The following OPRM1 variants were observed in gnomAD, a reference collection of about 807,000 sequenced individuals.
OPRM1 encodes the protein mu-type opioid receptor.
In OPRM1, 27 loss-of-function variants were observed where a neutral mutation model predicts 31.8. The ratio of observed to expected loss-of-function variants is 0.85; its 90% CI spans 0.63 to 1.17. The LOEUF (loss-of-function observed/expected upper bound fraction) is 1.17. OPRM1 is among the 50% of genes most tolerant of loss of function. OPRM1 has a pLI of 0.00. For missense variants in OPRM1, 536 were observed against 511.1 expected, an observed-to-expected ratio of 1.05 and a Z score of -0.47; for synonymous variants, 196 against 189.9, an observed-to-expected ratio of 1.03 and a Z score of -0.26.
At chr6:154,139,926 C>T (rs1324989847) in intron 3 of OPRM1, among the ~76,000 whole-genome samples, 2 of 152,092 alleles carry the variant, frequency 1.3e-5, no homozygotes, top group Non-Finnish European at 2.9e-5. Context: ...TCCCCGGTGA[C>T]GTTATCTCTT....
At chr6:154,241,234 CAAAAAAA>C (rs11308882) in intron 3 of OPRM1, among the ~76,000 whole-genome samples, 18 of 79,212 alleles carry the variant, frequency 2.3e-4, no homozygotes, top group Middle Eastern at 6.3e-3. Flanking sequence ...GACTCCATCT[CAAAAAAA>C]AAAAAAAAAA....
In OPRM1 at chr6:154,129,051, G is replaced by A. The variant is rs919517828; in HGVS notation, c.*10330G>A. On this transcript the variant is annotated 3_prime_UTR_variant, in exon 4 of 4. Transcript: ENST00000330432. ...CCACAGACAAAACCTCTCAGACACC[G>A]AGTTGTAGAAGGAAGGGCTTTATTC... 3.9e-5 allele frequency among the ~76,000 whole-genome samples: 6 copies of A among 152,064 alleles called. No individual in the cohort carries two copies. Among genetic ancestry groups the A allele is most frequent in the African/African-American group, 1.2e-4 (5 of 41,408 alleles).
At chr6:154,200,452 G>A (rs1259005010) in intron 3 of OPRM1, among the ~76,000 whole-genome samples, 6 of 152,214 alleles carry the variant, frequency 3.9e-5, no homozygotes, top group South Asian at 2.1e-4. Context: ...TGGGTGCGAT[G>A]GCTCATGCCT....
In OPRM1 at chr6:154,091,271, C is replaced by A; in HGVS notation, c.963C>A (p.His321Gln). Residue 321 changes from histidine to glutamine, a missense_variant, in exon 3 of 4, where the codon CAC becomes CAA. Coordinates refer to ENST00000330432, the MANE Select transcript of OPRM1 (RefSeq NM_000914.5). ...CTACGTTCCAGACTGTTTCTTGGCA[C>A]TTCTGCATTGCTCTAGGTTACACAA... ...PETTFQTVSW[H>Q]FCIALGYTNS... 6.2e-7 allele frequency: 1 copy of A among 1,614,196 alleles called. No homozygotes were observed.
At chr6:154,222,582 C>T (rs1778950360) in intron 3 of OPRM1, among the ~76,000 whole-genome samples, 1 of 152,200 alleles carries the variant, frequency 6.6e-6, no homozygotes, top group Non-Finnish European at 1.5e-5. Context: ...CCAGCCCGCT[C>T]ATGAGATCTA....
intron 3 of OPRM1, among the ~76,000 whole-genome samples, chr6:154,201,772 G>C (rs1562538418): frequency 6.6e-6 from 1 of 152,202 alleles, no homozygotes; most frequent in Non-Finnish European, 1.5e-5. Flanking sequence ...GCTCATGCCT[G>C]TAATCCCAGC....
chr6:154,163,500 C>T (rs542277927), intron 3 of OPRM1, among the ~76,000 whole-genome samples: 1 of 152,116 alleles, frequency 6.6e-6, no homozygotes, highest in Admixed American at 6.5e-5. Context: ...CATCACTTAT[C>T]ATATTATACA....
Position 154,091,329 on chromosome 6 carries a change from C to T in OPRM1, c.1021C>T (p.Leu341=). The change falls in exon 3 of 4, where the codon CTG becomes TTG. Residue 341 remains leucine (L), a synonymous_variant. Transcript: ENST00000330432. ...SCLNPVLYAF[L]DENFKRCFRE... ...CCTCAACCCAGTCCTTTATGCATTT[C>T]TGGATGAAAACTTCAAACGATGCTT... 1 of 1,614,182 alleles carries T rather than the reference C, an allele frequency of 6.2e-7. No individual in the cohort carries two copies. The highest frequency in any genetic ancestry group is 8.5e-7 in the Non-Finnish European group (1 of 1,180,050).
At chr6:154,087,170 G>T (rs987052193) in intron 1 of OPRM1, 1 of 985,360 alleles carries the variant, frequency 1.0e-6, no homozygotes, top group African/African-American at 1.7e-5. Flanking sequence ...AGCTTTTCTG[G>T]CAGTAATGCA....
chr6:154,148,655 C>T (rs189289785), intron 3 of OPRM1, among the ~76,000 whole-genome samples: 21 of 152,304 alleles, frequency 1.4e-4, no homozygotes, highest in African/African-American at 4.3e-4. Flanking sequence ...CCACAGGTAC[C>T]TCCACAAGGC....
intron 3 of OPRM1, among the ~76,000 whole-genome samples, chr6:154,210,967 A>G (rs1777911179): frequency 6.6e-6 from 1 of 152,346 alleles, no homozygotes; most frequent in South Asian, 2.1e-4. Flanking sequence ...ATAATACCTT[A>G]AATCCAGGAA....
At position 154,047,407 on chromosome 6, in the gene OPRM1, C is replaced by A. The variant is rs548171683; in HGVS notation, c.290+7573C>A. ...GGGTTAGGAACGCATAACCTAAAAGCGTGACTGGCAAAGGTGGAGCGTGGG... is the reference window on the plus strand; with the variant it reads ...GGGTTAGGAACGCATAACCTAAAAGAGTGACTGGCAAAGGTGGAGCGTGGG... On this transcript the variant is annotated intron_variant, in intron 1 of 3. Coordinates refer to ENST00000330432, the MANE Select transcript of OPRM1 (RefSeq NM_000914.5). 5.9e-5 allele frequency among the ~76,000 whole-genome samples: 9 copies of A among 151,862 alleles called. No homozygotes were observed. The East Asian group carries it at 1.7e-3, about 29-fold the overall frequency.
chr6:154,022,385 G>A (rs1583133567), intron 1 of OPRM1, among the ~76,000 whole-genome samples: 3 of 130,290 alleles, frequency 2.3e-5, no homozygotes, highest in South Asian at 4.6e-4. Flanking sequence ...CACGCCCCGT[G>A]GCTTCCGCCC....
rs773013354 is a variant in OPRM1, at chr6:154,129,011, G to A, written c.*10290G>A. ...TATTTTGAAGTATAGGAACCTCATG[G>A]TGTAGCAGGATGAGCCACAGACAAA... On this transcript the variant is annotated 3_prime_UTR_variant, in exon 4 of 4. Transcript: ENST00000330432. 2.6e-5 allele frequency among the ~76,000 whole-genome samples: 4 copies of A among 152,084 alleles called. No individual in the cohort carries two copies. Among genetic ancestry groups the A allele is most frequent in the Non-Finnish European group, 5.9e-5 (4 of 68,022 alleles).
chr6:154,124,273 G>T lies in OPRM1; in HGVS notation c.*5552G>T, dbSNP rs907660375. ...ATCTTCTGACTCAAATATATGAAAA[G>T]ATTATTCTAGACCTTAGGCAGATAT... On this transcript the variant is annotated 3_prime_UTR_variant, in exon 4 of 4. Transcript: ENST00000330432. Among the ~76,000 whole-genome samples, 3 of 152,120 alleles carry T rather than the reference G, an allele frequency of 2.0e-5. No individual in the cohort carries two copies. The highest frequency in any genetic ancestry group is 2.9e-5 in the Non-Finnish European group (2 of 68,024).
At chr6:154,078,243 G>C (rs1180539986) in intron 1 of OPRM1, among the ~76,000 whole-genome samples, 3 of 152,062 alleles carry the variant, frequency 2.0e-5, no homozygotes, top group Admixed American at 2.0e-4. Context: ...CTCTAGCCCT[G>C]TCCTCTCTTC....
At chr6:154,080,230 G>A (rs914888264) in intron 1 of OPRM1, among the ~76,000 whole-genome samples, 1 of 152,158 alleles carries the variant, frequency 6.6e-6, no homozygotes, top group Admixed American at 6.5e-5. Flanking sequence ...AATTCAATAT[G>A]TTAAGATGCA....
At chr6:154,226,570 C>T (rs1442302504) in intron 3 of OPRM1, among the ~76,000 whole-genome samples, 1 of 152,138 alleles carries the variant, frequency 6.6e-6, no homozygotes, top group African/African-American at 2.4e-5. Context: ...CACCCATTAC[C>T]TACTGCCTCC....
intron 1 of OPRM1, among the ~76,000 whole-genome samples, chr6:154,032,045 T>C (rs1779039120): frequency 6.6e-6 from 1 of 152,192 alleles, no homozygotes; most frequent in Non-Finnish European, 1.5e-5. Context: ...GGCTACAGTG[T>C]ATAGGATGAA....
Sources: allele counts gnomAD v4.1 joint callset (sites outside exome capture counted in the v4.1 genomes callset), GRCh38; gene constraint gnomAD v4.1.1; transcripts MANE v1.5; gene names NCBI Gene and HGNC (gene_info 2026-07-23, HGNC 2026-07-21).